Variants in ANK2 observed in about 807,000 individuals in gnomAD.
ANK2 encodes the protein ankyrin 2.
Under a neutral mutation model 360.5 loss-of-function variants are expected in ANK2, and 83 were observed. The ratio of observed to expected loss-of-function variants is 0.23; its 90% CI spans 0.19 to 0.28. The LOEUF is 0.28. ANK2 is among the 10% of genes least tolerant of loss of function. The pLI, the probability that ANK2 is intolerant of heterozygous loss-of-function variation, is 1.00. For synonymous variants in ANK2, 1,740 were observed against 1,759.5 expected (o/e 0.99, Z 0.28); for missense variants, 4,201 against 4,795.7 (o/e 0.88, Z 3.66).
intron 2 of ANK2, among the ~76,000 whole-genome samples, chr4:113,183,558 A>C (rs1049352197): frequency 2.6e-5 from 4 of 152,198 alleles, no homozygotes. Flanking sequence ...ATGCCAAGTG[A>C]GGAGATAAGT....
intron 19 of ANK2, 57 bp downstream of exon 19, chr4:113,287,760 GC>G: frequency 1.4e-6 from 2 of 1,444,882 alleles, no homozygotes; most frequent in Non-Finnish European, 9.7e-7. Flanking sequence ...ATTCCCAGTA[GC>G]CCCCATTCGG....
At chr4:112,782,265 G>A in the ANK2 span, among the ~76,000 whole-genome samples, 869 of 152,256 alleles carry the variant, frequency 5.7e-3, 12 homozygotes, top group African/African-American at 0.02. Context: ...CGCTGGCCAT[G>A]ATTTGCTAAT....
chr4:112,721,610 C>T, the ANK2 span, among the ~76,000 whole-genome samples: 1 of 150,518 alleles, frequency 6.6e-6, no homozygotes, highest in African/African-American at 2.4e-5. Context: ...CTCTACACGC[C>T]TGGAAAAGGT....
intron 4 of ANK2, among the ~76,000 whole-genome samples, chr4:113,228,548 GTA>G (rs1367537466): frequency 6.6e-6 from 1 of 152,076 alleles, no homozygotes; most frequent in African/African-American, 2.4e-5. Context: ...TTAGTACATG[GTA>G]TATATACGTA....
chr4:112,881,252 A>G (rs2076612958), intron 1 of ANK2, among the ~76,000 whole-genome samples: 1 of 152,196 alleles, frequency 6.6e-6, no homozygotes, highest in Admixed American at 6.5e-5. Context: ...AGCCTGGGCA[A>G]CATGGTAAAA....
chr4:113,257,058 T>C (rs1406429812), intron 11 of ANK2, among the ~76,000 whole-genome samples: 2 of 152,226 alleles, frequency 1.3e-5, no homozygotes, highest in Non-Finnish European at 2.9e-5. Flanking sequence ...TAATTATGTT[T>C]ATCACTCTAT....
intron 22 of ANK2, among the ~76,000 whole-genome samples, chr4:113,294,566 G>T (rs1395432957): frequency 1.3e-5 from 2 of 152,136 alleles, no homozygotes; most frequent in Non-Finnish European, 2.9e-5. Flanking sequence ...TGTTCTTCAG[G>T]CTGACAGTAA....
chr4:113,211,465 A>T (rs1584969446), intron 4 of ANK2, among the ~76,000 whole-genome samples: 1 of 152,188 alleles, frequency 6.6e-6, no homozygotes, highest in South Asian at 2.1e-4. Flanking sequence ...TTTTAGAAAG[A>T]TCTCAACCTT....
At chr4:113,222,052 G>T (rs879404315) in intron 4 of ANK2, among the ~76,000 whole-genome samples, 1 of 152,192 alleles carries the variant, frequency 6.6e-6, no homozygotes, top group Admixed American at 6.5e-5. Context: ...GAAACTTCAG[G>T]CATGCTTCTT....
chr4:112,816,629 A>G (rs1343372970), upstream of ANK2, among the ~76,000 whole-genome samples: 1 of 152,204 alleles, frequency 6.6e-6, no homozygotes, highest in African/African-American at 2.4e-5. Flanking sequence ...ATGAAAACCA[A>G]GGGTTTGCAT....
At chr4:113,056,070 T>A (rs1397109009) in intron 1 of ANK2, among the ~76,000 whole-genome samples, 1 of 152,216 alleles carries the variant, frequency 6.6e-6, no homozygotes, top group Non-Finnish European at 1.5e-5. Context: ...TTTTGTGCTA[T>A]GTTGTTGTAG....
chr4:113,047,609 G>T (rs1364408514), upstream of ANK2, among the ~76,000 whole-genome samples: 1 of 152,136 alleles, frequency 6.6e-6, no homozygotes, highest in African/African-American at 2.4e-5. Context: ...GGGGATTTCA[G>T]TGGGGGCTGT....
intron 17 of ANK2, among the ~76,000 whole-genome samples, chr4:113,279,612 AT>A (rs965689375): frequency 1.3e-5 from 2 of 150,420 alleles, no homozygotes; most frequent in African/African-American, 4.9e-5. Context: ...ATATACTCAT[AT>A]GCCTATTTAA....
intron 1 of ANK2, among the ~76,000 whole-genome samples, chr4:113,137,306 A>G (rs1228014636): frequency 6.6e-6 from 1 of 152,204 alleles, no homozygotes; most frequent in Non-Finnish European, 1.5e-5. Context: ...TAAATCACTG[A>G]CCTAAAATAG....
intron 1 of ANK2, among the ~76,000 whole-genome samples, chr4:113,123,205 T>TA (rs1449532029): frequency 6.6e-6 from 1 of 152,164 alleles, no homozygotes; most frequent in Admixed American, 6.5e-5. Context: ...TTTTAATCTT[T>TA]AAAAAATCAG....
chr4:112,761,273 T>G, the ANK2 span, among the ~76,000 whole-genome samples: 1 of 152,194 alleles, frequency 6.6e-6, no homozygotes, highest in Non-Finnish European at 1.5e-5. Context: ...ATTTCTTTTG[T>G]AAGCCTTTCT....
chr4:113,228,204 T>C (rs1434047664), intron 4 of ANK2, among the ~76,000 whole-genome samples: 2 of 152,182 alleles, frequency 1.3e-5, no homozygotes, highest in African/African-American at 4.8e-5. Flanking sequence ...TTTATTTCCA[T>C]AGGTTTTAAG....
chr4:112,718,748 C>G, the ANK2 span, among the ~76,000 whole-genome samples: 1 of 152,234 alleles, frequency 6.6e-6, no homozygotes, highest in Non-Finnish European at 1.5e-5. Context: ...AGTGATTCAT[C>G]TGCCTCAGCT....
chr4:112,721,143 G>A, the ANK2 span, among the ~76,000 whole-genome samples: 2 of 152,170 alleles, frequency 1.3e-5, no homozygotes, highest in Non-Finnish European at 2.9e-5. Context: ...CTGAAGAAGG[G>A]GAGGGACAGA....
Sources: gnomAD v4.1 joint callset for allele counts (sites outside exome capture counted in the v4.1 genomes callset) on GRCh38, gnomAD v4.1.1 for gene constraint, MANE v1.5 for transcripts, NCBI Gene and HGNC (gene_info 2026-07-23, HGNC 2026-07-21) for gene names.